TSHZ2: variants seen among roughly 807,000 people sequenced by gnomAD.
TSHZ2 encodes teashirt homolog 2.
TSHZ2 carries 21 observed loss-of-function variants against 74.4 expected under a neutral mutation model. The observed-to-expected ratio is 0.28, with a 90% CI of 0.20 to 0.41. The LOEUF (loss-of-function observed/expected upper bound fraction) is 0.41. Ranked by LOEUF, TSHZ2 falls within the 10% of genes least tolerant of loss-of-function variation. The probability of loss-of-function intolerance (pLI) is 1.00; values close to 1 mark genes in which losing one functional copy is unlikely to be tolerated. For synonymous variants in TSHZ2, 540 were observed against 515.3 expected (o/e 1.05, Z -0.65); for missense variants, 1,244 against 1,293.5 (o/e 0.96, Z 0.59).
chr20:53,196,975 A>G (rs1988886626), intron 1 of TSHZ2, among the ~76,000 whole-genome samples: 1 of 152,246 alleles, frequency 6.6e-6, no homozygotes, highest in Admixed American at 6.5e-5. Context: ...GAAAATTTCA[A>G]GCTGTGTGTG....
intron 1 of TSHZ2, among the ~76,000 whole-genome samples, chr20:53,063,468 T>A (rs1021873155): frequency 1.3e-5 from 2 of 152,152 alleles, no homozygotes; most frequent in African/African-American, 4.8e-5. Flanking sequence ...TTATGGACAA[T>A]TTAAAGATTT....
intron 1 of TSHZ2, among the ~76,000 whole-genome samples, chr20:53,096,947 CAA>C (rs201536999): frequency 6.7e-6 from 1 of 148,852 alleles, no homozygotes. Flanking sequence ...AAACAAAAAA[CAA>C]AAAAAAACAA....
chr20:52,977,844 C>T (rs1410083053), intron 1 of TSHZ2, among the ~76,000 whole-genome samples: 1 of 152,188 alleles, frequency 6.6e-6, no homozygotes, highest in East Asian at 1.9e-4. Context: ...CTCCGGGAAA[C>T]TTCTTGACAA....
At chr20:53,436,696 C>A (rs1984095677) in intron 2 of TSHZ2, among the ~76,000 whole-genome samples, 1 of 151,614 alleles carries the variant, frequency 6.6e-6, no homozygotes, top group South Asian at 2.1e-4. Context: ...CAGTCATCTT[C>A]CACCACGTCC....
chr20:53,229,786 GA>G (rs1989776643), intron 1 of TSHZ2, among the ~76,000 whole-genome samples: 1 of 150,632 alleles, frequency 6.6e-6, no homozygotes. Context: ...AGAGAGGGAG[GA>G]GGGAGGGAGG....
At chr20:53,045,976 T>C (rs1042271651) in intron 1 of TSHZ2, among the ~76,000 whole-genome samples, 1 of 152,178 alleles carries the variant, frequency 6.6e-6, no homozygotes, top group African/African-American at 2.4e-5. Context: ...GTTTCCTGTC[T>C]TATAAATCAA....
chr20:53,428,028 A>G (rs1983717642), intron 2 of TSHZ2, among the ~76,000 whole-genome samples: 1 of 152,222 alleles, frequency 6.6e-6, no homozygotes, highest in South Asian at 2.1e-4. Context: ...CTCTACTGAT[A>G]AAGGCTTTGT....
intron 2 of TSHZ2, among the ~76,000 whole-genome samples, chr20:53,478,572 T>A: frequency 1.3e-5 from 2 of 149,124 alleles, no homozygotes; most frequent in Non-Finnish European, 1.5e-5. Context: ...AGATGACGAG[T>A]TGGTGGGTGC....
chr20:53,349,868 G>T (rs1980581871), intron 2 of TSHZ2, among the ~76,000 whole-genome samples: 1 of 152,196 alleles, frequency 6.6e-6, no homozygotes, highest in Non-Finnish European at 1.5e-5. Context: ...CCAGAAGTCA[G>T]AAGTCTATGT....
In TSHZ2 at chr20:52,992,372, A is replaced by G. The variant is rs75269083; in HGVS notation, c.40+19039A>G. Among the ~76,000 whole-genome samples, 49 of 152,334 alleles carry G rather than the reference A, an allele frequency of 3.2e-4. No homozygotes were observed. In the East Asian group the frequency reaches 9.3e-3, roughly 29 times the overall value. ...GTAGTAGGATCTTAGTAAATGTCAT[A>G]TAGATAAACCGATGCATGCACATGG... is the stretch of plus-strand genomic sequence containing the variant. On this transcript the variant is annotated intron_variant, in intron 1 of 2. Transcript: ENST00000371497.
chr20:53,489,113 A>G lies in TSHZ2; in HGVS notation c.*1978A>G, dbSNP rs770209055. 8.8e-6 allele frequency: 4 copies of G among 456,152 alleles called. No individual in the cohort carries two copies. Among genetic ancestry groups the G allele is most frequent in the South Asian group, 6.2e-5 (4 of 64,572 alleles). 28.3% of individuals were successfully genotyped at this position (456,152 alleles called of 1,614,324 possible). A position where few individuals can be genotyped will look rare whatever the true frequency, so the allele number is the denominator to read the frequency against. The stretch of plus-strand genomic sequence containing the variant: ...CTCATCCATCAATCAATCACCCACA[A>G]GGAAAAATAGCAACAGTACAACGGG... On this transcript the variant is annotated 3_prime_UTR_variant, in exon 3 of 3. Coordinates refer to ENST00000371497, the MANE Select transcript of TSHZ2 (RefSeq NM_173485.6).
At chr20:53,158,781 C>T (rs912837402) in intron 1 of TSHZ2, among the ~76,000 whole-genome samples, 4 of 152,186 alleles carry the variant, frequency 2.6e-5, no homozygotes, top group Non-Finnish European at 4.4e-5. Flanking sequence ...ATCACCACCG[C>T]CTGTTCCAGG....
chr20:53,118,351 C>T (rs1051273474), intron 1 of TSHZ2, among the ~76,000 whole-genome samples: 6 of 151,966 alleles, frequency 3.9e-5, no homozygotes, highest in Non-Finnish European at 8.8e-5. Flanking sequence ...ATGTGAGGTC[C>T]ACTGAAAGCA....
At chr20:53,195,642 G>A (rs966693886) in intron 1 of TSHZ2, among the ~76,000 whole-genome samples, 3 of 152,174 alleles carry the variant, frequency 2.0e-5, no homozygotes, top group African/African-American at 4.8e-5. Flanking sequence ...TGACCCTGAC[G>A]GGTCCCCTCT....
intron 2 of TSHZ2, among the ~76,000 whole-genome samples, chr20:53,293,044 C>T (rs1991310319): frequency 6.6e-6 from 1 of 152,270 alleles, no homozygotes; most frequent in South Asian, 2.1e-4. Context: ...ATATAAGGGT[C>T]GCCATTGAAA....
At chr20:53,031,308 G>A (rs1286360719) in intron 1 of TSHZ2, among the ~76,000 whole-genome samples, 1 of 152,136 alleles carries the variant, frequency 6.6e-6, no homozygotes, top group East Asian at 1.9e-4. Flanking sequence ...AAACATTTGA[G>A]TTAACAACAT....
chr20:53,450,599 C>T (rs1483076768), intron 2 of TSHZ2, among the ~76,000 whole-genome samples: 4 of 152,242 alleles, frequency 2.6e-5, no homozygotes, highest in African/African-American at 9.6e-5. Flanking sequence ...ACATGGCTCA[C>T]TTCAGAGTCC....
intron 2 of TSHZ2, among the ~76,000 whole-genome samples, chr20:53,427,533 C>T (rs984142093): frequency 6.6e-6 from 1 of 152,128 alleles, no homozygotes; most frequent in African/African-American, 2.4e-5. Context: ...GGAATTCCAC[C>T]TGGCTTCCTC....
chr20:53,434,108 T>G (rs977953398), intron 2 of TSHZ2, among the ~76,000 whole-genome samples: 1 of 152,122 alleles, frequency 6.6e-6, no homozygotes, highest in African/African-American at 2.4e-5. Flanking sequence ...TGACCTCAGG[T>G]GATTTGCCTA....
Sources: gnomAD v4.1 joint callset for allele counts (sites outside exome capture counted in the v4.1 genomes callset) on GRCh38, gnomAD v4.1.1 for gene constraint, MANE v1.5 for transcripts, NCBI Gene and HGNC (gene_info 2026-07-23, HGNC 2026-07-21) for gene names.